Variants in PCDHGB2 observed in about 807,000 individuals in gnomAD.
PCDHGB2 encodes protocadherin gamma subfamily B, 2, also known as protocadherin gamma-B2.
PCDHGB2 carries 55 observed loss-of-function variants against 59.3 expected under a neutral mutation model. The ratio of observed to expected loss-of-function variants is 0.93; its 90% CI spans 0.75 to 1.16. The LOEUF is 1.16. Among genes scored for constraint, PCDHGB2 ranks in the 50% most tolerant of loss-of-function variants. PCDHGB2 has a pLI of 0.00. For synonymous variants in PCDHGB2, 516 were observed against 512.0 expected (o/e 1.01, Z -0.11); for missense variants, 1,228 against 1,198.5 (o/e 1.02, Z -0.36).
chr5:141,494,773 G>C, intron 1 of PCDHGB2, 34 bp from the exon 2 acceptor site: 1 of 1,613,966 alleles, frequency 6.2e-7, no homozygotes, highest in Non-Finnish European at 8.5e-7. Context: ...CTTCTCACGG[G>C]TACTCAGCCC....
Position 141,431,154 on chromosome 5 carries a change from A to G in PCDHGB2, c.2422-63653A>G, listed in dbSNP as rs754200786. ...AGGGACATTAACGACAATGCGCCTT[A>G]CTTTCGTGAAAGTGAATTAGAAATA... On this transcript the variant is annotated intron_variant, in intron 1 of 3. Coordinates refer to ENST00000522605, the MANE Select transcript of PCDHGB2 (RefSeq NM_018923.3). The surrounding 1 kb of genome is among the most constrained non-coding windows in gnomAD (Gnocchi z 4.8). 1.1e-5 allele frequency: 18 copies of G among 1,614,136 alleles called. No homozygotes were observed. In the East Asian group the frequency reaches 4.0e-4, roughly 36 times the overall value.
intron 1 of PCDHGB2, chr5:141,410,640 G>T: frequency 1.3e-6 from 2 of 1,599,058 alleles, no homozygotes; most frequent in Non-Finnish European, 1.7e-6. Flanking sequence ...TCTTTTTTGT[G>T]TGTGATTTAT....
rs371508602 is a variant in PCDHGB2 at position 141,360,369 on chromosome 5, C to A, written c.234C>A (p.Asn78Lys). Residue 78 changes from asparagine to lysine, a missense_variant, in exon 1 of 4, where the codon AAC becomes AAA. Transcript: ENST00000522605. ...CGGAGAAGGAATATTTCACAGTAAACCCAGAAAGCGGAGACTTACTTGTGA... is the reference window on the plus strand; with the variant it reads ...CGGAGAAGGAATATTTCACAGTAAAACCAGAAAGCGGAGACTTACTTGTGA... ...VSAEKEYFTV[N>K]PESGDLLVSD... 3 of 1,613,726 alleles carry A rather than the reference C, an allele frequency of 1.9e-6. No individual in the cohort carries two copies. The highest frequency in any genetic ancestry group is 2.5e-6 in the Non-Finnish European group (3 of 1,179,828).
Position 141,383,260 on chromosome 5 carries a change from G to C in PCDHGB2, c.2421+20704G>C, listed in dbSNP as rs375487349. On this transcript the variant is annotated intron_variant, in intron 1 of 3. Coordinates refer to ENST00000522605, the MANE Select transcript of PCDHGB2 (RefSeq NM_018923.3). ...TAAAATGAATCTTTACCCTATAGAC[G>C]TGGAAATAATAGATATTAATGACAA... 3.7e-6 allele frequency: 6 copies of C among 1,613,782 alleles called. No homozygotes were observed. The African/African-American group carries it at 6.7e-5, about 18-fold the overall frequency.
At chr5:141,443,538 G>A (rs768723399) in intron 1 of PCDHGB2, among the ~76,000 whole-genome samples, 2 of 152,118 alleles carry the variant, frequency 1.3e-5, no homozygotes, top group African/African-American at 4.8e-5. Flanking sequence ...TTTAAAGCTT[G>A]GGAAATTGTT....
At chr5:141,367,574 ATC>A (rs1765238671) in intron 1 of PCDHGB2, 1 of 151,104 alleles carries the variant, frequency 6.6e-6, no homozygotes, top group Middle Eastern at 3.4e-3. Flanking sequence ...ATAAATAAAT[ATC>A]AGAAAAGTAG....
chr5:141,385,066 C>T, intron 1 of PCDHGB2: 2 of 1,614,194 alleles, frequency 1.2e-6, no homozygotes, highest in South Asian at 1.1e-5. Context: ...GCACAAGTCA[C>T]GCCTGCTGCA....
Position 141,486,282 on chromosome 5 carries a change from C to G in PCDHGB2, c.2422-8525C>G. On this transcript the variant is annotated intron_variant, in intron 1 of 3. Transcript: ENST00000522605. This position sits in a 1 kb window ranked among gnomAD's most constrained non-coding sequence, Gnocchi z 5.0. ...AGTGCAGAACCTGGCACTGTGGTGG[C>G]ACTTATCAGTGTGCAGGATCCAGAC... The G allele has an allele frequency of 1.2e-6, 2 of 1,614,052 alleles. No homozygotes were observed. The highest frequency in any genetic ancestry group is 1.7e-6 in the Non-Finnish European group (2 of 1,179,992).
chr5:141,467,693 G>A lies in PCDHGB2; in HGVS notation c.2422-27114G>A, dbSNP rs543886467. Among the ~76,000 whole-genome samples the A allele has an allele frequency of 2.0e-4, 30 of 152,110 alleles. No individual in the cohort carries two copies. In the South Asian group the frequency reaches 5.6e-3, roughly 28 times the overall value. On this transcript the variant is annotated intron_variant, in intron 1 of 3. Transcript: ENST00000522605. ...TTTTATTTTTTTTAGACAGGGTCTGGCTCTGTTGCCCAGGCTGGAGTGTAG... is the reference window on the plus strand; with the variant it reads ...TTTTATTTTTTTTAGACAGGGTCTGACTCTGTTGCCCAGGCTGGAGTGTAG...
chr5:141,362,735 TA>T lies in PCDHGB2; in HGVS notation c.2421+180del, dbSNP rs1266066195. Reference sequence around the variant, plus strand: ...TTCTCTCTGAAGTGTGAGATTTATTTACCCATGATTGCAAACCTTTATCACA... The same window carrying T: ...TTCTCTCTGAAGTGTGAGATTTATTTCCCATGATTGCAAACCTTTATCACA... On this transcript the variant is annotated intron_variant, in intron 1 of 3. Transcript: ENST00000522605. The T allele has an allele frequency of 2.0e-5, 15 of 764,982 alleles. No homozygotes were observed. In the Admixed American group the frequency reaches 4.5e-4, roughly 23 times the overall value. The allele number at this position is 764,982 out of a possible 1,614,324, so 47.4% of individuals were successfully genotyped here.
Position 141,485,274 on chromosome 5 carries a change from C to G in PCDHGB2, c.2422-9533C>G. 2 of 1,614,106 alleles carry G rather than the reference C, an allele frequency of 1.2e-6. No homozygotes were observed. Among genetic ancestry groups the G allele is most frequent in the Non-Finnish European group, 1.7e-6 (2 of 1,179,964 alleles). On this transcript the variant is annotated intron_variant, in intron 1 of 3. Transcript: ENST00000522605. The surrounding 1 kb of genome is among the most constrained non-coding windows in gnomAD (Gnocchi z 5.7). ...TACGTTTGTGGGCAGATCCGCTACC[C>G]GGTCCCAGAGGAGTCACAGGAAGGG...
intron 1 of PCDHGB2, chr5:141,478,529 A>G: frequency 6.2e-7 from 1 of 1,609,580 alleles, no homozygotes; most frequent in Non-Finnish European, 8.5e-7. Flanking sequence ...GGGTGCAGAG[A>G]GCGCCCCTCC....
At chr5:141,391,258 T>C (rs1419386522) in intron 1 of PCDHGB2, 3 of 152,182 alleles carry the variant, frequency 2.0e-5, no homozygotes, top group African/African-American at 7.2e-5. Context: ...ACTGCTTCAG[T>C]TAATGGCCAC....
intron 1 of PCDHGB2, chr5:141,405,325 G>A: frequency 5.6e-6 from 9 of 1,614,170 alleles, no homozygotes; most frequent in African/African-American, 1.3e-5. Context: ...ATGAGCCTTT[G>A]TGCGTCTCTG....
chr5:141,383,095 A>G, intron 1 of PCDHGB2: 1 of 1,613,956 alleles, frequency 6.2e-7, no homozygotes, highest in Non-Finnish European at 8.5e-7. Context: ...CGGAGTCCGC[A>G]TCATCTCCAG....
intron 1 of PCDHGB2, chr5:141,395,196 G>A (rs1431851304): frequency 5.0e-6 from 8 of 1,613,948 alleles, no homozygotes; most frequent in Admixed American, 1.7e-5. Flanking sequence ...GTTAACATCC[G>A]TAGATTTTCA....
chr5:141,382,263 T>C (rs1447947679), intron 1 of PCDHGB2, among the ~76,000 whole-genome samples: 1 of 152,242 alleles, frequency 6.6e-6, no homozygotes, highest in Non-Finnish European at 1.5e-5. Flanking sequence ...TCATGGTGTC[T>C]AGAACATATG....
At chr5:141,438,287 T>C (rs1183751436) in intron 1 of PCDHGB2, among the ~76,000 whole-genome samples, 1 of 152,054 alleles carries the variant, frequency 6.6e-6, no homozygotes, top group African/African-American at 2.4e-5. Context: ...TAATTTAATC[T>C]GTATGTAAAA....
intron 1 of PCDHGB2, chr5:141,422,006 C>G: frequency 6.2e-7 from 1 of 1,609,754 alleles, no homozygotes; most frequent in Non-Finnish European, 8.5e-7. Flanking sequence ...AGCTCCGGAA[C>G]TCGGGTGCTG....
Sources: allele counts gnomAD v4.1 joint callset (sites outside exome capture counted in the v4.1 genomes callset), GRCh38; gene constraint gnomAD v4.1.1; non-coding constraint Gnocchi (gnomAD v3.1); transcripts MANE v1.5; gene names NCBI Gene and HGNC (gene_info 2026-07-23, HGNC 2026-07-21).